The following ARHGEF1 variants were observed in gnomAD, a reference collection of about 807,000 sequenced individuals.
ARHGEF1 encodes 115 kDa guanine nucleotide exchange factor.
Under a neutral mutation model 119.7 loss-of-function variants are expected in ARHGEF1, and 40 were observed. The observed-to-expected ratio is 0.33, with a 90% CI of 0.26 to 0.44. ARHGEF1 has a LOEUF of 0.44. ARHGEF1 is among the 20% of genes least tolerant of loss of function. The probability of loss-of-function intolerance (pLI) is 1.00; values close to 1 mark genes in which losing one functional copy is unlikely to be tolerated. For missense variants in ARHGEF1, 976 were observed against 1,268.3 expected (o/e 0.77, Z 3.50); for synonymous variants, 494 against 521.0 (o/e 0.95, Z 0.71).
chr19:41,905,529 A>ATG lies in ARHGEF1; in HGVS notation c.2337-218_2337-217dup, dbSNP rs113976656. ...CATGCGTGTGACAGCATGTGCATGC[A>ATG]TGTGTGTGTGTGTGCGCATGTGCCG... On this transcript the variant is annotated intron_variant, in intron 24 of 28. Transcript: ENST00000354532. This position sits in a 1 kb window ranked among gnomAD's most constrained non-coding sequence, Gnocchi z 6.4. The ATG allele has an allele frequency of 3.2e-3, 1,977 of 612,880 alleles. 6 individuals are homozygous for ATG. The highest frequency in any genetic ancestry group is 7.5e-3 in the South Asian group (379 of 50,780). 38.0% of individuals were successfully genotyped at this position (612,880 alleles called of 1,614,324 possible).
rs1388514400 is a variant in ARHGEF1, at chr19:41,917,490, C to T, written c.1866-5602C>T. On this transcript the variant is annotated intron_variant, in intron 18 of 20. Coordinates refer to the ARHGEF1 transcript ENST00000599589. This position sits in a 1 kb window ranked among gnomAD's most constrained non-coding sequence, Gnocchi z 4.8. Reference sequence around the variant, plus strand: ...CCTCACCCAGGCCCCCCCATCCCCACCTCCCCTTAACACAATCTGCACAAT... The same window carrying T: ...CCTCACCCAGGCCCCCCCATCCCCATCTCCCCTTAACACAATCTGCACAAT... Among the ~76,000 whole-genome samples, 1 of 151,448 alleles carries T rather than the reference C, an allele frequency of 6.6e-6. No homozygotes were observed. The highest frequency in any genetic ancestry group is 2.4e-5 in the African/African-American group (1 of 41,168).
Position 41,917,559 on chromosome 19 carries a change from G to A in ARHGEF1, c.1866-5533G>A, listed in dbSNP as rs573514346. Among the ~76,000 whole-genome samples the A allele has an allele frequency of 2.0e-5, 3 of 147,200 alleles. No individual in the cohort carries two copies. Among genetic ancestry groups the A allele is most frequent in the Non-Finnish European group, 4.5e-5 (3 of 67,312 alleles). ...TTTTTTTAAATTTCATATCTTCTCC[G>A]GGGCTCTGTCTAAAGAGGAGAGAGA... is the stretch of plus-strand genomic sequence containing the variant. On this transcript the variant is annotated intron_variant, in intron 18 of 20. Coordinates refer to the ARHGEF1 transcript ENST00000599589. The surrounding 1 kb of genome is among the most constrained non-coding windows in gnomAD (Gnocchi z 4.8).
In ARHGEF1 at chr19:41,893,264, C is replaced by T. The variant is rs893415087; in HGVS notation, c.615-10C>T. The T allele has an allele frequency of 7.4e-6, 12 of 1,612,202 alleles. No individual in the cohort carries two copies. Among genetic ancestry groups the T allele is most frequent in the African/African-American group, 1.3e-5 (1 of 74,542 alleles). On this transcript the variant is annotated splice_polypyrimidine_tract_variant and intron_variant, in intron 7 of 28. Transcript: ENST00000354532. ...CAAATATGTCACAAACATCTCTCTT[C>T]CTCCTACAGACATACCATCTCTACC...
At position 41,916,484 on chromosome 19, in the gene ARHGEF1, C is replaced by A. The variant is rs2145896239; in HGVS notation, c.1866-6608C>A. Among the ~76,000 whole-genome samples the A allele has an allele frequency of 6.6e-6, 1 of 152,182 alleles. No homozygotes were observed. Among genetic ancestry groups the A allele is most frequent in the African/African-American group, 2.4e-5 (1 of 41,516 alleles). ...AGACACACAGTTTTACACAAATACA[C>A]ACATGACACATCAATTCAATCTCAC... On this transcript the variant is annotated intron_variant, in intron 18 of 20. Transcript: ENST00000599589. The surrounding 1 kb of genome is among the most constrained non-coding windows in gnomAD (Gnocchi z 5.4).
downstream of ARHGEF1, chr19:41,908,323 T>C: frequency 1.1e-5 from 14 of 1,231,484 alleles, no homozygotes; most frequent in East Asian, 3.2e-5. This position sits in a 1 kb window ranked among gnomAD's most constrained non-coding sequence, Gnocchi z 6.7. Context: ...CTGACGTCGG[T>C]GATCTCCAGC....
Position 41,892,978 on chromosome 19 carries a change from G to T in ARHGEF1, c.614+129G>T. The stretch of plus-strand genomic sequence containing the variant: ...TCAGAGTTCATTTCTTGGCACTGGG[G>T]GTCTTCCTCTACCCTGGTGTTTTAA... On this transcript the variant is annotated intron_variant, in intron 7 of 28. Transcript: ENST00000354532. This position sits in a 1 kb window ranked among gnomAD's most constrained non-coding sequence, Gnocchi z 6.3. 2.3e-6 allele frequency: 3 copies of T among 1,325,678 alleles called. No homozygotes were observed. Among genetic ancestry groups the T allele is most frequent in the South Asian group, 1.6e-5 (1 of 63,142 alleles). 82.1% of individuals were successfully genotyped at this position (1,325,678 alleles called of 1,614,324 possible).
intron 18 of ARHGEF1, among the ~76,000 whole-genome samples, chr19:41,915,941 C>A (rs577804820): frequency 6.6e-6 from 1 of 152,122 alleles, no homozygotes; most frequent in African/African-American, 2.4e-5. Context: ...CACCCCCCTC[C>A]CCCCCGCCGG....
intron 18 of ARHGEF1, chr19:41,912,793 CG>C (rs2074761256): frequency 2.6e-6 from 1 of 388,578 alleles, no homozygotes; most frequent in Admixed American, 7.7e-5. Context: ...AAGGGGGATG[CG>C]GCTCACTGGG....
chr19:41,896,336 GCA>G, intron 12 of ARHGEF1, 39 bp from the exon 13 acceptor site: 6 of 1,130,732 alleles, frequency 5.3e-6, no homozygotes, highest in South Asian at 3.2e-5. Context: ...TCTCGTGGCC[GCA>G]GAGGCCTTCC....
intron 13 of ARHGEF1, 193 bp from the exon 14 acceptor site, chr19:41,898,249 G>A: frequency 4.6e-6 from 6 of 1,308,486 alleles, no homozygotes; most frequent in Non-Finnish European, 6.1e-6. Flanking sequence ...GACCTTGGAG[G>A]AGGAGGGGGT....
Position 41,914,609 on chromosome 19 carries a change from CCTCCCCTTCCACCATCTCTGTCTCT to C in ARHGEF1, c.1865+7807_1865+7831del, listed in dbSNP as rs2074778536. 8.0e-5 allele frequency among the ~76,000 whole-genome samples: 4 copies of C among 49,832 alleles called. No homozygotes were observed. The African/African-American group carries it at 8.6e-4, about 11-fold the overall frequency. 32.7% of individuals were successfully genotyped at this position (49,832 alleles called of 152,430 possible). On this transcript the variant is annotated intron_variant, in intron 18 of 20. Transcript: ENST00000599589. ...TCCCTTTCCACCATCTCTGTCTCTC[CCTCCCCTTCCACCATCTCTGTCTCT>C]GTCTCTCCCTCCCTTTCCACCATCT...
rs1265248363 is a variant in ARHGEF1 at position 41,907,295 on chromosome 19, G to C, written c.*208G>C. On this transcript the variant is annotated 3_prime_UTR_variant, in exon 29 of 29. Coordinates refer to ENST00000354532, the MANE Select transcript of ARHGEF1 (RefSeq NM_004706.4). ...TCTCTCCCTCCTGCCCTCTGCTTGGGGGACTCAGGGCTCCATTCTGGAGGG... is the reference window on the plus strand; with the variant it reads ...TCTCTCCCTCCTGCCCTCTGCTTGGCGGACTCAGGGCTCCATTCTGGAGGG... 3 of 1,531,922 alleles carry C rather than the reference G, an allele frequency of 2.0e-6. No individual in the cohort carries two copies. The highest frequency in any genetic ancestry group is 2.6e-6 in the Non-Finnish European group (3 of 1,144,854). 94.9% of individuals were successfully genotyped at this position (1,531,922 alleles called of 1,614,324 possible). A position where few individuals can be genotyped will look rare whatever the true frequency, so the allele number is the denominator to read the frequency against.
chr19:41,912,989 G>A, intron 18 of ARHGEF1: 1 of 814,548 alleles, frequency 1.2e-6, no homozygotes, highest in Non-Finnish European at 1.6e-6. Context: ...ACAGACACAG[G>A]TCAGCCAGCG....
intron 4 of ARHGEF1, among the ~76,000 whole-genome samples, chr19:41,891,127 A>G (rs2074370073): frequency 1.3e-5 from 2 of 152,134 alleles, no homozygotes; most frequent in African/African-American, 2.4e-5. Flanking sequence ...AGGCACCACC[A>G]TCTGGGACAC....
At position 41,904,316 on chromosome 19, in the gene ARHGEF1, C is replaced by G. The variant is rs782174769; in HGVS notation, c.2094C>G (p.Pro698=). 1.9e-6 allele frequency: 3 copies of G among 1,609,296 alleles called. No homozygotes were observed. The highest frequency in any genetic ancestry group is 2.5e-6 in the Non-Finnish European group (3 of 1,178,956). The change falls in exon 22 of 29, where the codon CCC becomes CCG. Residue 698 remains proline (P), a synonymous_variant. Coordinates refer to ENST00000354532, the MANE Select transcript of ARHGEF1 (RefSeq NM_004706.4). This position sits in a 1 kb window ranked among gnomAD's most constrained non-coding sequence, Gnocchi z 8.4. ...ATAGCCGGACACTGACGCCCACGCC[C>G]GATGGCAAGACCATGCTGCGGCCCG... is the stretch of plus-strand genomic sequence containing the variant. ...KSHSRTLTPT[P]DGKTMLRPVL... is the part of the protein sequence containing the mutation.
chr19:41,918,686 C>T (rs1012161641), upstream of ARHGEF1, among the ~76,000 whole-genome samples: 25 of 149,778 alleles, frequency 1.7e-4, no homozygotes, highest in African/African-American at 6.2e-4. Context: ...ACACCACACA[C>T]ACCACATATC....
chr19:41,884,205 G>A (rs960038965), intron 1 of ARHGEF1, among the ~76,000 whole-genome samples: 7 of 152,202 alleles, frequency 4.6e-5, no homozygotes, highest in Non-Finnish European at 8.8e-5. Context: ...AGTGACGGGG[G>A]CAGTCGAGAT....
Position 41,896,461 on chromosome 19 carries a change from A to ACGAGGGGGC in ARHGEF1, c.1104_1112dup (p.Gly369_Glu371dup). ...TCCTTGGCGCCCCCAGAGAGTACCGACGAGGGGGCCGAAACCGAGAGGTGC... is the reference window on the plus strand; with the variant it reads ...TCCTTGGCGCCCCCAGAGAGTACCGACGAGGGGGCCGAGGGGGCCGAAACCGAGAGGTGC... On this transcript the variant is annotated inframe_insertion, in exon 13 of 29. Transcript: ENST00000354532. 1 of 1,484,938 alleles carries ACGAGGGGGC rather than the reference A, an allele frequency of 6.7e-7. No homozygotes were observed. Among genetic ancestry groups the ACGAGGGGGC allele is most frequent in the Non-Finnish European group, 9.0e-7 (1 of 1,116,868 alleles). The allele number at this position is 1,484,938 out of a possible 1,614,324, so 92.0% of individuals were successfully genotyped here.
At position 41,898,456 on chromosome 19, in the gene ARHGEF1, A is replaced by G; in HGVS notation, c.1136A>G (p.Asp379Gly). The G allele has an allele frequency of 6.5e-7, 1 of 1,547,442 alleles. No individual in the cohort carries two copies. ...TCTGTCCACAGCCCCGAGCCTGGAG[A>G]TGAGGGGGAGCCGGGGCGGTCGGGA... Reference protein sequence around the residue: ...GAETESPEPGDEGEPGRSGLE... With the variant: ...GAETESPEPGGEGEPGRSGLE... The change falls in exon 14 of 29, where the codon GAT becomes GGT. Residue 379 changes from aspartate to glycine, a missense_variant. Transcript: ENST00000354532.
Sources: allele counts gnomAD v4.1 joint callset (sites outside exome capture counted in the v4.1 genomes callset), GRCh38; gene constraint gnomAD v4.1.1; non-coding constraint Gnocchi (gnomAD v3.1); transcripts MANE v1.5; gene names NCBI Gene and HGNC (gene_info 2026-07-23, HGNC 2026-07-21).